CPED1: variants seen among roughly 807,000 people sequenced by gnomAD.
CPED1 encodes cadherin like and PC-esterase domain containing 1.
A neutral mutation model predicts 128.2 loss-of-function variants in CPED1; 114 were observed. The ratio of observed to expected loss-of-function variants is 0.89; its 90% confidence interval spans 0.76 to 1.04. The LOEUF (loss-of-function observed/expected upper bound fraction) is 1.04. Among genes scored for constraint, CPED1 ranks in the 50% least tolerant of loss-of-function variants. The pLI, the probability that CPED1 is intolerant of heterozygous loss-of-function variation, is 0.00. For missense variants in CPED1, 1,211 were observed against 1,207.1 expected, an observed-to-expected ratio of 1.00 and a Z score of -0.05; for synonymous variants, 462 against 426.7, an observed-to-expected ratio of 1.08 and a Z score of -1.02.
rs116067050 is a variant in CPED1 at position 121,146,798 on chromosome 7, C to T, written c.2055+4657C>T. 4.5e-3 allele frequency among the ~76,000 whole-genome samples: 690 copies of T among 152,176 alleles called. 5 individuals carry two copies. Among genetic ancestry groups the T allele is most frequent in the African/African-American group, 0.016 (644 of 41,546 alleles). ...AATTTGTATATAATTGTCCCAGAGA[C>T]GGCTCTGAATTTAATTAGCTCTTAG... On this transcript the variant is annotated intron_variant, in intron 16 of 22. Coordinates refer to ENST00000310396, the MANE Select transcript of CPED1 (RefSeq NM_024913.5).
intron 16 of CPED1, among the ~76,000 whole-genome samples, chr7:121,211,184 T>C (rs1032650640): frequency 6.6e-6 from 1 of 151,988 alleles, no homozygotes; most frequent in Non-Finnish European, 1.5e-5. Flanking sequence ...TAGGGAAAGA[T>C]AAAAAATAAT....
intron 3 of CPED1, among the ~76,000 whole-genome samples, chr7:121,024,948 G>C (rs910529736): frequency 6.6e-6 from 1 of 152,134 alleles, no homozygotes; most frequent in Non-Finnish European, 1.5e-5. Context: ...GCATTATCCA[G>C]TTTAGCTGTT....
chr7:120,990,394 G>A (rs1243245258), intron 2 of CPED1, among the ~76,000 whole-genome samples: 1 of 151,894 alleles, frequency 6.6e-6, no homozygotes, highest in Admixed American at 6.6e-5. Flanking sequence ...TAAAATAATA[G>A]GATAATAGGT....
chr7:121,129,601 C>T (rs1036042959), intron 11 of CPED1, among the ~76,000 whole-genome samples: 4 of 151,628 alleles, frequency 2.6e-5, no homozygotes. Context: ...GAATTTATAA[C>T]TTTAGATACT....
At chr7:121,255,096 G>C (rs1798773022) in intron 18 of CPED1, among the ~76,000 whole-genome samples, 1 of 151,982 alleles carries the variant, frequency 6.6e-6, no homozygotes, top group African/African-American at 2.4e-5. Context: ...ATCTGGCAGA[G>C]ACACAATGAA....
intron 16 of CPED1, among the ~76,000 whole-genome samples, chr7:121,188,675 G>GTTATGATCCTCAA (rs1797058426): frequency 6.6e-6 from 1 of 152,110 alleles, no homozygotes; most frequent in African/African-American, 2.4e-5. Context: ...AAACTTAAAT[G>GTTATGATCCTCAA]GAGGGGTAAG....
intron 5 of CPED1, among the ~76,000 whole-genome samples, chr7:121,091,202 A>G (rs1794565335): frequency 6.6e-6 from 1 of 152,180 alleles, no homozygotes; most frequent in South Asian, 2.1e-4. Flanking sequence ...TAACTGACTC[A>G]GTCCTAGGTT....
chr7:121,194,044 ATATATTT>A (rs1311676430), intron 16 of CPED1, among the ~76,000 whole-genome samples: 4 of 66,420 alleles, frequency 6.0e-5, no homozygotes, highest in African/African-American at 2.3e-4. Flanking sequence ...ATATATATAT[ATATATTT>A]TTTTTTTTTT....
chr7:121,195,962 T>C (rs1266066388), intron 16 of CPED1, among the ~76,000 whole-genome samples: 1 of 151,964 alleles, frequency 6.6e-6, no homozygotes, highest in African/African-American at 2.4e-5. Flanking sequence ...CTATAACACA[T>C]AAAGGGACTA....
At chr7:121,001,207 C>T (rs542917068) in intron 2 of CPED1, among the ~76,000 whole-genome samples, 14 of 152,112 alleles carry the variant, frequency 9.2e-5, no homozygotes, top group South Asian at 2.1e-4. Flanking sequence ...GCATATTCCA[C>T]GGGGTTTCCA....
At chr7:121,067,803 A>G (rs1470965494) in intron 5 of CPED1, among the ~76,000 whole-genome samples, 1 of 152,148 alleles carries the variant, frequency 6.6e-6, no homozygotes, top group Non-Finnish European at 1.5e-5. Context: ...AATGATGGCC[A>G]TTCTAACTGG....
intron 10 of CPED1, among the ~76,000 whole-genome samples, chr7:121,127,926 T>C (rs559879411): frequency 4.0e-4 from 61 of 152,314 alleles, no homozygotes; most frequent in African/African-American, 1.1e-3. Flanking sequence ...GTTCATTACA[T>C]GTATTATAGT....
intron 2 of CPED1, among the ~76,000 whole-genome samples, chr7:120,997,914 C>T (rs1393235579): frequency 6.9e-6 from 1 of 145,790 alleles, no homozygotes; most frequent in Non-Finnish European, 1.5e-5. Flanking sequence ...AAGAGCAAAA[C>T]TCGGTCTCGA....
chr7:121,236,632 A>G lies in CPED1; in HGVS notation c.2056-82A>G, dbSNP rs1584620226. 3 of 749,466 alleles carry G rather than the reference A, an allele frequency of 4.0e-6. No individual in the cohort carries two copies. In the East Asian group the frequency reaches 8.2e-5, roughly 21 times the overall value. The allele number at this position is 749,466 out of a possible 1,614,324, so 46.4% of individuals were successfully genotyped here. The stretch of plus-strand genomic sequence containing the variant: ...CTTTTATCCATAAAGGTTATTTGCC[A>G]CATAAAGTCTTATTTTTTAGATTTT... On this transcript the variant is annotated intron_variant, in intron 16 of 22. Coordinates refer to ENST00000310396, the MANE Select transcript of CPED1 (RefSeq NM_024913.5).
chr7:121,129,336 C>CGT (rs1795605901), intron 11 of CPED1, among the ~76,000 whole-genome samples: 4 of 105,424 alleles, frequency 3.8e-5, no homozygotes, highest in African/African-American at 1.2e-4. Context: ...TATATATATA[C>CGT]GTATATATAT....
chr7:121,179,236 C>G (rs943799813), intron 16 of CPED1, among the ~76,000 whole-genome samples: 2 of 151,990 alleles, frequency 1.3e-5, no homozygotes, highest in Admixed American at 6.6e-5. Context: ...TGAGGGCAGA[C>G]GCTAGGCTGC....
intron 22 of CPED1, among the ~76,000 whole-genome samples, chr7:121,277,928 CA>C (rs941084573): frequency 2.4e-4 from 37 of 152,088 alleles, no homozygotes; most frequent in African/African-American, 8.7e-4. Context: ...ACAGAGTAAC[CA>C]TTTGTGAAAA....
At chr7:121,074,039 A>T (rs1028444200) in intron 5 of CPED1, among the ~76,000 whole-genome samples, 5 of 152,084 alleles carry the variant, frequency 3.3e-5, no homozygotes, top group African/African-American at 1.2e-4. Flanking sequence ...GCTCTCTTCC[A>T]TAGCTCTGAC....
At position 121,060,422 on chromosome 7, in the gene CPED1, G is replaced by A. The variant is rs1292713168; in HGVS notation, c.541-3816G>A. Among the ~76,000 whole-genome samples, 5 of 152,366 alleles carry A rather than the reference G, an allele frequency of 3.3e-5. No individual in the cohort carries two copies. In the East Asian group the frequency reaches 9.7e-4, roughly 29 times the overall value. ...CTCCTGAGTCTGGTGGGGACGTGGA[G>A]AATCTTCATGTCTAGCTCAGGGATT... On this transcript the variant is annotated intron_variant, in intron 4 of 22. Coordinates refer to ENST00000310396, the MANE Select transcript of CPED1 (RefSeq NM_024913.5).
Sources: gnomAD v4.1 joint callset for allele counts (sites outside exome capture counted in the v4.1 genomes callset) on GRCh38, gnomAD v4.1.1 for gene constraint, MANE v1.5 for transcripts, NCBI Gene and HGNC (gene_info 2026-07-23, HGNC 2026-07-21) for gene names.